The following FAR2 variants were observed in gnomAD, a reference collection of about 807,000 sequenced individuals.
FAR2 encodes fatty acyl-CoA reductase 2.
A neutral mutation model predicts 56.0 loss-of-function variants in FAR2; 19 were observed. The observed-to-expected ratio is 0.34, with a 90% CI of 0.24 to 0.50. The LOEUF (loss-of-function observed/expected upper bound fraction) is 0.50. FAR2 is among the 20% of genes least tolerant of loss of function. FAR2 has a pLI of 0.98. For synonymous variants in FAR2, 219 were observed against 218.8 expected (o/e 1.00, Z -0.01); for missense variants, 508 against 642.2 (o/e 0.79, Z 2.26).
chr12:29,298,610 T>C (rs1427208965), intron 4 of FAR2, among the ~76,000 whole-genome samples: 2 of 152,130 alleles, frequency 1.3e-5, no homozygotes, highest in African/African-American at 4.8e-5. Flanking sequence ...GAGAAAAATT[T>C]TAGAGTGCAG....
intron 1 of FAR2, among the ~76,000 whole-genome samples, chr12:29,202,796 T>C (rs891793005): frequency 2.0e-5 from 3 of 152,188 alleles, no homozygotes; most frequent in Admixed American, 2.0e-4. Context: ...GTAAACTTCC[T>C]GAGGCTTCCT....
intron 1 of FAR2, among the ~76,000 whole-genome samples, chr12:29,233,674 T>C (rs1159741831): frequency 6.6e-6 from 1 of 152,250 alleles, no homozygotes. Flanking sequence ...AAGTCTTTAC[T>C]GTATCAAGAG....
Position 29,171,880 on chromosome 12 carries a change from C to G in FAR2, c.-39+22473C>G, listed in dbSNP as rs557905609. ...CTGGGAAGTGAGGAGCGTCTCTGCC[C>G]TGCCGCCCAACTGACTGGTAAGTGA... On this transcript the variant is annotated intron_variant, in intron 1 of 11. Transcript: ENST00000536681. 5.2e-5 allele frequency: 8 copies of G among 152,712 alleles called. No homozygotes were observed. In the East Asian group the frequency reaches 1.4e-3, roughly 26 times the overall value. 9.5% of individuals were successfully genotyped at this position (152,712 alleles called of 1,614,324 possible).
rs1254318274 is a variant in FAR2 at position 29,311,966 on chromosome 12, A to G, written c.955+16A>G. 11 of 1,579,412 alleles carry G rather than the reference A, an allele frequency of 7.0e-6. No individual in the cohort carries two copies. The highest frequency in any genetic ancestry group is 8.7e-6 in the Non-Finnish European group (10 of 1,151,922). Reference sequence around the variant, plus strand: ...CACAAAATGGGTAAGTACTTTAGCTATGTAACTCTATAATTACTAGTGTCT... The same window carrying G: ...CACAAAATGGGTAAGTACTTTAGCTGTGTAACTCTATAATTACTAGTGTCT... On this transcript the variant is annotated intron_variant, in intron 8 of 11. Transcript: ENST00000536681.
intron 1 of FAR2, among the ~76,000 whole-genome samples, chr12:29,266,279 T>C (rs751468804): frequency 2.0e-5 from 3 of 152,114 alleles, no homozygotes; most frequent in Non-Finnish European, 4.4e-5. Context: ...AATAGATGAA[T>C]GGATAAAGAA....
intron 1 of FAR2, among the ~76,000 whole-genome samples, chr12:29,181,500 C>A (rs559793776): frequency 6.6e-6 from 1 of 152,190 alleles, no homozygotes; most frequent in Non-Finnish European, 1.5e-5. Context: ...TCACTGCTTC[C>A]GGAAACTTTC....
chr12:29,182,836 G>T (rs1190095325), intron 1 of FAR2, among the ~76,000 whole-genome samples: 1 of 151,880 alleles, frequency 6.6e-6, no homozygotes, highest in Non-Finnish European at 1.5e-5. Context: ...GGTTATCTAC[G>T]TATCTCTTCA....
chr12:29,277,928 C>CCATAT (rs1948726841), intron 2 of FAR2: 10 of 90,372 alleles, frequency 1.1e-4, no homozygotes, highest in Middle Eastern at 5.8e-3. Flanking sequence ...TACATATTTT[C>CCATAT]TTTCTTTTTT....
chr12:29,312,484 T>C (rs758215453), intron 8 of FAR2, among the ~76,000 whole-genome samples: 8 of 152,122 alleles, frequency 5.3e-5, no homozygotes, highest in Admixed American at 4.6e-4. Flanking sequence ...GGAAGCACTA[T>C]GGGAGAAATA....
chr12:29,295,425 C>T (rs1949046767), intron 3 of FAR2, among the ~76,000 whole-genome samples: 2 of 152,052 alleles, frequency 1.3e-5, no homozygotes, highest in Non-Finnish European at 2.9e-5. Flanking sequence ...CATATACTTC[C>T]TGATTAAATT....
intron 1 of FAR2, among the ~76,000 whole-genome samples, chr12:29,193,857 T>C (rs935933914): frequency 1.4e-4 from 22 of 152,182 alleles, no homozygotes; most frequent in African/African-American, 5.1e-4. Context: ...CCATTTTGTA[T>C]TCCCACCATT....
chr12:29,229,269 C>G (rs752021024), intron 1 of FAR2, among the ~76,000 whole-genome samples: 1 of 152,150 alleles, frequency 6.6e-6, no homozygotes, highest in Non-Finnish European at 1.5e-5. Flanking sequence ...TTACGAAAAA[C>G]TGAGGCCTGA....
At chr12:29,194,523 A>ACACACT (rs59768411) in intron 1 of FAR2, among the ~76,000 whole-genome samples, 1 of 97,628 alleles carries the variant, frequency 1.0e-5, no homozygotes, top group Admixed American at 9.5e-5. Flanking sequence ...TAGTGATGCC[A>ACACACT]CACACACACA....
intron 1 of FAR2, among the ~76,000 whole-genome samples, chr12:29,204,417 TGAG>T (rs1201348506): frequency 6.6e-6 from 1 of 152,126 alleles, no homozygotes; most frequent in African/African-American, 2.4e-5. Context: ...GATAGTAACA[TGAG>T]GACTCATTTA....
At chr12:29,255,637 T>G (rs1378860171) in intron 1 of FAR2, among the ~76,000 whole-genome samples, 2 of 152,124 alleles carry the variant, frequency 1.3e-5, no homozygotes, top group African/African-American at 2.4e-5. Flanking sequence ...TTCTTTTTCT[T>G]TTTTGAGATG....
intron 1 of FAR2, among the ~76,000 whole-genome samples, chr12:29,177,290 G>A (rs957917916): frequency 6.6e-5 from 10 of 151,934 alleles, no homozygotes; most frequent in South Asian, 2.1e-4. Flanking sequence ...TAGCAATGGC[G>A]GGGGGGATCT....
intron 1 of FAR2, among the ~76,000 whole-genome samples, chr12:29,174,423 C>CTTTTTTTTTTTTTT (rs55827253): frequency 1.8e-5 from 1 of 55,422 alleles, no homozygotes; most frequent in Non-Finnish European, 2.9e-5. Context: ...GGTTTTTATT[C>CTTTTTTTTTTTTTT]TTTTTTTTTT....
intron 1 of FAR2, among the ~76,000 whole-genome samples, chr12:29,189,939 G>C (rs2136606047): frequency 6.6e-6 from 1 of 152,256 alleles, no homozygotes; most frequent in East Asian, 1.9e-4. Flanking sequence ...TGAAGATACA[G>C]CTGGTAGGAT....
At chr12:29,326,193 C>T (rs1419947247) in intron 10 of FAR2, among the ~76,000 whole-genome samples, 2 of 151,806 alleles carry the variant, frequency 1.3e-5, no homozygotes, top group African/African-American at 2.4e-5. Context: ...CCTCCCAAGA[C>T]TAAACCAGGA....
Sources: allele counts gnomAD v4.1 joint callset (sites outside exome capture counted in the v4.1 genomes callset), GRCh38; gene constraint gnomAD v4.1.1; transcripts MANE v1.5; gene names NCBI Gene and HGNC (gene_info 2026-07-23, HGNC 2026-07-21).